URI1: variants seen among roughly 807,000 people sequenced by gnomAD.
The protein encoded by URI1 is unconventional prefoldin RPB5 interactor 1.
In URI1, 39 loss-of-function variants were observed where a neutral mutation model predicts 60.2. The ratio of observed to expected loss-of-function variants is 0.65; its 90% CI spans 0.50 to 0.85. The LOEUF (loss-of-function observed/expected upper bound fraction) is 0.85, where lower values mean the gene tolerates loss of function less well. Among genes scored for constraint, URI1 ranks in the 40% least tolerant of loss-of-function variants. The probability of loss-of-function intolerance (pLI) is 0.00; values close to 1 mark genes in which losing one functional copy is unlikely to be tolerated. For synonymous variants in URI1, 251 were observed against 236.8 expected, an observed-to-expected ratio of 1.06 and a Z score of -0.55; for missense variants, 691 against 665.9, an observed-to-expected ratio of 1.04 and a Z score of -0.42.
intron 1 of URI1, chr19:29,956,534 G>A: frequency 1.9e-6 from 3 of 1,546,214 alleles, no homozygotes; most frequent in Non-Finnish European, 2.7e-6. Context: ...TTTGAAACAA[G>A]CTCAGTGTCA....
chr19:30,007,539 C>A lies in URI1; in HGVS notation c.587C>A (p.Ala196Glu). The A allele has an allele frequency of 1.9e-6, 3 of 1,613,408 alleles. No homozygotes were observed. Among genetic ancestry groups the A allele is most frequent in the African/African-American group, 1.3e-5 (1 of 74,948 alleles). Residue 196 changes from alanine (A) to glutamate (E), a missense_variant, in exon 7 of 11, where the codon GCA (alanine) becomes GAA (glutamate). Ala to Glu is a moderately radical substitution (Grantham distance 107). Transcript: ENST00000392271. The part of the protein sequence containing the change: ...KTSDIFEADI[A>E]NDVKSKDLLA... ...TCAGATATTTTTGAAGCAGATATTG[C>A]AAATGATGTGAAATCCAAGGATTTG...
At chr19:29,994,930 A>G (rs1171381047) in intron 4 of URI1, among the ~76,000 whole-genome samples, 1 of 152,006 alleles carries the variant, frequency 6.6e-6, no homozygotes, top group East Asian at 1.9e-4. Flanking sequence ...ACAGGTGTGC[A>G]CCACCATGCC....
rs187104796 is a variant in URI1, at chr19:29,934,535, A to G, written c.63+10781A>G. ...TGTGTACACACATGCTACTGTTCAG[A>G]TCTCTTCTTCTCTGTTATGACATGA... On this transcript the variant is annotated intron_variant, in intron 1 of 10. Coordinates refer to the URI1 transcript ENST00000360605. 1.7e-3 allele frequency among the ~76,000 whole-genome samples: 256 copies of G among 151,652 alleles called. 1 individual carries two copies. Among genetic ancestry groups the G allele is most frequent in the African/African-American group, 5.9e-3 (244 of 41,340 alleles).
chr19:29,968,579 T>C (rs983436765), intron 1 of URI1, among the ~76,000 whole-genome samples: 104 of 137,658 alleles, frequency 7.6e-4, no homozygotes, highest in Middle Eastern at 3.5e-3. Context: ...TTTTTTTTTT[T>C]TTTTTTTTTT....
chr19:29,976,699 A>G (rs543159958), intron 2 of URI1, among the ~76,000 whole-genome samples: 18 of 152,350 alleles, frequency 1.2e-4, no homozygotes, highest in African/African-American at 2.6e-4. Flanking sequence ...GAAATAGTAC[A>G]TGTGATGCCT....
intron 4 of URI1, among the ~76,000 whole-genome samples, chr19:29,989,986 CT>C (rs2055725957): frequency 6.6e-6 from 1 of 151,822 alleles, no homozygotes; most frequent in South Asian, 2.1e-4. Flanking sequence ...AGATTTTCTT[CT>C]GTGTTTTCTT....
intron 1 of URI1, among the ~76,000 whole-genome samples, chr19:29,926,286 A>G (rs200063913): frequency 4.2e-5 from 4 of 94,372 alleles, no homozygotes; most frequent in African/African-American, 1.7e-4. Context: ...CTTCCTTCCT[A>G]CCTTCTTTCC....
chr19:29,950,786 G>A (rs335049), intron 1 of URI1, among the ~76,000 whole-genome samples: 3,315 of 152,206 alleles, frequency 0.022, 136 homozygotes, highest in African/African-American at 0.075. Flanking sequence ...GAGCCAATCA[G>A]AGATTACTAT....
At chr19:29,970,825 T>G (rs953809901) in intron 1 of URI1, among the ~76,000 whole-genome samples, 9 of 152,120 alleles carry the variant, frequency 5.9e-5, no homozygotes, top group Non-Finnish European at 1.2e-4. Flanking sequence ...TTACATTGGT[T>G]TCTTGTTATT....
chr19:29,942,685 G>A (rs757348476), intron 1 of URI1, 21 bp downstream of exon 1: 16 of 1,358,986 alleles, frequency 1.2e-5, no homozygotes, highest in African/African-American at 6.1e-5. Context: ...GCCCCGCGCC[G>A]CTTCCGCCTC....
At chr19:30,012,606 T>A in intron 10 of URI1, 75 bp downstream of exon 10, 26 of 1,518,564 alleles carry the variant, frequency 1.7e-5, no homozygotes, top group Non-Finnish European at 2.3e-5. Context: ...ATCTGAAAAG[T>A]CATAAGATTA....
rs533113216 is a variant in URI1, at chr19:29,983,477, G to A, written c.153-1746G>A. Among the ~76,000 whole-genome samples the A allele has an allele frequency of 7.2e-5, 11 of 152,228 alleles. No individual in the cohort carries two copies. The South Asian group carries it at 1.2e-3, about 17-fold the overall frequency. On this transcript the variant is annotated intron_variant, in intron 2 of 10. Coordinates refer to ENST00000392271, the MANE Select transcript of URI1 (RefSeq NM_003796.3). The stretch of plus-strand genomic sequence containing the variant: ...AGTAAGCTGAAACCAATTCTGTGAT[G>A]TTTGTCATTTATATTATCTGGAGAG...
chr19:29,933,821 CT>C (rs951620887), intron 1 of URI1, among the ~76,000 whole-genome samples: 42 of 13,264 alleles, frequency 3.2e-3, no homozygotes, highest in African/African-American at 0.014. Flanking sequence ...GACTCGATCT[CT>C]TTAAAAAAAA....
Position 30,014,947 on chromosome 19 carries a change from G to T in URI1, c.1486G>T (p.Ala496Ser), listed in dbSNP as rs1432372950. 1 of 1,613,702 alleles carries T rather than the reference G, an allele frequency of 6.2e-7. No homozygotes were observed. Among genetic ancestry groups the T allele is most frequent in the Non-Finnish European group, 8.5e-7 (1 of 1,179,712 alleles). The change falls in exon 11 of 11, where the codon GCC becomes TCC. Residue 496 changes from alanine (A) to serine (S), a missense_variant. Ala to Ser is a moderately conservative substitution (Grantham distance 99). Coordinates refer to ENST00000392271, the MANE Select transcript of URI1 (RefSeq NM_003796.3). ...FVSPSLTPPP[A>S]IAHPALPTIP... is the part of the protein sequence containing the mutation. ...ATCACCTTCCTTAACACCACCCCCA[G>T]CCATTGCTCATCCCGCACTACCCAC... is the stretch of plus-strand genomic sequence containing the variant.
Position 30,015,386 on chromosome 19 carries a change from T to G in URI1, c.*317T>G. 7.0e-7 allele frequency: 1 copy of G among 1,433,772 alleles called. No homozygotes were observed. Among genetic ancestry groups the G allele is most frequent in the Non-Finnish European group, 9.1e-7 (1 of 1,101,856 alleles). 88.8% of individuals were successfully genotyped at this position (1,433,772 alleles called of 1,614,324 possible). On this transcript the variant is annotated 3_prime_UTR_variant, in exon 11 of 11. Coordinates refer to ENST00000392271, the MANE Select transcript of URI1 (RefSeq NM_003796.3). ...TATGCATTGTTTTTGTGTTTCAAAC[T>G]AAATACAGGCAGTTTTGTGCCAGCT...
At chr19:29,986,541 T>A (rs1262570579) in intron 4 of URI1, 124 bp downstream of exon 4, 1 of 1,214,484 alleles carries the variant, frequency 8.2e-7, no homozygotes, top group Non-Finnish European at 1.1e-6. Context: ...CTGTTTGTGA[T>A]TCTGTTGAAT....
At position 29,985,243 on chromosome 19, in the gene URI1, A is replaced by G. The variant is rs780661066; in HGVS notation, c.173A>G (p.Tyr58Cys). The G allele has an allele frequency of 1.9e-6, 3 of 1,603,226 alleles. No individual in the cohort carries two copies. Among genetic ancestry groups the G allele is most frequent in the Non-Finnish European group, 1.7e-6 (2 of 1,173,910 alleles). The change falls in exon 3 of 11, where the codon TAT (tyrosine) becomes TGT (cysteine). Residue 58 changes from tyrosine (Y) to cysteine (C), a missense_variant. By Grantham distance (194) the Tyr-to-Cys change is radical. Transcript: ENST00000392271. The part of the protein sequence containing the change: ...IQHWKKVDND[Y>C]NALRERLSTL... Reference sequence around the variant, plus strand: ...AACAGGAAGAAGGTAGATAATGACTATAATGCCCTTCGAGAAAGACTCAGC... The same window carrying G: ...AACAGGAAGAAGGTAGATAATGACTGTAATGCCCTTCGAGAAAGACTCAGC...
At chr19:29,960,528 C>T (rs79417710) in intron 1 of URI1, among the ~76,000 whole-genome samples, 2,068 of 152,010 alleles carry the variant, frequency 0.014, 46 homozygotes, top group African/African-American at 0.047. Flanking sequence ...ATATTTTTAT[C>T]TCTAGTAATG....
At position 29,994,946 on chromosome 19, in the gene URI1, A is replaced by G. The variant is rs142514900; in HGVS notation, c.367+8529A>G. ...CAGGTGTGCACCACCATGCCCGACT[A>G]ATTTTTTGTATTTTTAGTAGAGACA... is the stretch of plus-strand genomic sequence containing the variant. On this transcript the variant is annotated intron_variant, in intron 4 of 10. Transcript: ENST00000392271. Among the ~76,000 whole-genome samples the G allele has an allele frequency of 3.4e-3, 515 of 151,858 alleles. 5 individuals are homozygous for G. Among genetic ancestry groups the G allele is most frequent in the African/African-American group, 0.012 (500 of 41,406 alleles).
Sources: gnomAD v4.1 joint callset for allele counts (sites outside exome capture counted in the v4.1 genomes callset) on GRCh38, gnomAD v4.1.1 for gene constraint, MANE v1.5 for transcripts, NCBI Gene and HGNC (gene_info 2026-07-23, HGNC 2026-07-21) for gene names.